NFU1: variants seen among roughly 807,000 people sequenced by gnomAD.
The protein encoded by NFU1 is NFU1 iron-sulfur cluster scaffold homolog, mitochondrial.
A neutral mutation model predicts 32.2 loss-of-function variants in NFU1; 30 were observed. That is an observed-to-expected ratio of 0.93 (90% CI 0.70 to 1.26). The LOEUF is 1.26. Ranked by LOEUF, NFU1 falls within the 50% of genes most tolerant of loss-of-function variation. The probability of loss-of-function intolerance (pLI) is 0.00; values close to 1 mark genes in which losing one functional copy is unlikely to be tolerated. For synonymous variants in NFU1, 112 were observed against 104.6 expected, an observed-to-expected ratio of 1.07 and a Z score of -0.43; for missense variants, 306 against 306.6, an observed-to-expected ratio of 1.00 and a Z score of 0.02.
chr2:69,409,798 G>T (rs1672818221), intron 5 of NFU1, among the ~76,000 whole-genome samples: 1 of 152,080 alleles, frequency 6.6e-6, no homozygotes, highest in Admixed American at 6.6e-5. Context: ...CTTCGAGAGG[G>T]CATTCATCTA....
intron 2 of NFU1, chr2:69,429,768 C>A (rs1673577964): frequency 6.3e-6 from 1 of 158,732 alleles, no homozygotes; most frequent in African/African-American, 2.4e-5. Context: ...GTGGCTCACG[C>A]CTATAATCCC....
intron 2 of NFU1, 121 bp from the exon 3 acceptor site, chr2:69,423,838 C>T: frequency 2.7e-6 from 2 of 735,990 alleles, no homozygotes; most frequent in Non-Finnish European, 4.6e-6. Flanking sequence ...AAACCCAAGG[C>T]TTTATTGCCC....
intron 4 of NFU1, among the ~76,000 whole-genome samples, chr2:69,415,960 CT>C (rs1673036552): frequency 6.7e-6 from 1 of 149,042 alleles, no homozygotes; most frequent in Admixed American, 6.8e-5. Context: ...GACTTCGTCT[CT>C]TTTTATATTT....
At chr2:69,429,174 ACT>A (rs1186896781) in intron 2 of NFU1, among the ~76,000 whole-genome samples, 2 of 152,196 alleles carry the variant, frequency 1.3e-5, no homozygotes, top group African/African-American at 2.4e-5. Context: ...TAATCTTCTA[ACT>A]CTGGCTCTGA....
At chr2:69,437,459 C>A (rs1297731748), upstream of NFU1, 2 of 1,603,370 alleles carry the variant, frequency 1.2e-6, no homozygotes, top group Admixed American at 3.4e-5. Flanking sequence ...CCTGACAGAA[C>A]CACGAAAGAT....
At chr2:69,396,943 G>A (rs1443040602) in intron 7 of NFU1, among the ~76,000 whole-genome samples, 1 of 151,788 alleles carries the variant, frequency 6.6e-6, no homozygotes, top group East Asian at 1.9e-4. Flanking sequence ...GTGGTGGTGG[G>A]CGCCTGTAGT....
At chr2:69,421,607 G>T (rs193065981) in intron 3 of NFU1, among the ~76,000 whole-genome samples, 3 of 117,254 alleles carry the variant, frequency 2.6e-5, no homozygotes, top group Non-Finnish European at 3.2e-5. Context: ...TCGCTCTGTC[G>T]CCCAGGCTGG....
chr2:69,439,402 G>A (rs573322480), upstream of NFU1, among the ~76,000 whole-genome samples: 11 of 152,268 alleles, frequency 7.2e-5, no homozygotes, highest in African/African-American at 2.6e-4. Context: ...TCTTCTGGTG[G>A]GTTCGTGGTC....
At position 69,402,399 on chromosome 2, in the gene NFU1, T is replaced by C. The variant is rs1473494197; in HGVS notation, c.546-1861A>G. Among the ~76,000 whole-genome samples the C allele has an allele frequency of 5.9e-5, 9 of 152,244 alleles. No homozygotes were observed. In the South Asian group the frequency reaches 1.9e-3, roughly 32 times the overall value. ...ATACAGTGGCATGATCACAGCTCAC[T>C]CACTGCTACCTAAAACTCCTAAGCT... On this transcript the variant is annotated intron_variant, in intron 6 of 7. Transcript: ENST00000410022.
intron 7 of NFU1, among the ~76,000 whole-genome samples, chr2:69,398,068 T>A (rs1672397902): frequency 6.6e-6 from 1 of 152,144 alleles, no homozygotes; most frequent in Non-Finnish European, 1.5e-5. Context: ...CAATACCCAA[T>A]CCAAAAAATT....
intron 4 of NFU1, among the ~76,000 whole-genome samples, chr2:69,416,389 C>A (rs971575474): frequency 1.4e-5 from 2 of 140,490 alleles, no homozygotes; most frequent in African/African-American, 2.7e-5. Context: ...ATTATTAATT[C>A]ATTCACTTTC....
chr2:69,414,639 A>C (rs1166778476), intron 5 of NFU1, among the ~76,000 whole-genome samples: 1 of 151,392 alleles, frequency 6.6e-6, no homozygotes, highest in Non-Finnish European at 1.5e-5. Context: ...AAAAAAAAAA[A>C]AAACAGAGAT....
chr2:69,423,779 T>C (rs186059263), intron 2 of NFU1, 62 bp from the exon 3 acceptor site: 42 of 1,224,492 alleles, frequency 3.4e-5, no homozygotes, highest in African/African-American at 4.5e-5. Flanking sequence ...TTATGGACTA[T>C]GAAGTGCTCA....
chr2:69,436,877 T>C, intron 1 of NFU1, among the ~76,000 whole-genome samples: 1 of 150,972 alleles, frequency 6.6e-6, no homozygotes, highest in East Asian at 1.9e-4. Context: ...CGGAATTCCA[T>C]CACTTAGAAA....
At chr2:69,396,319 G>A (rs1431704748) in intron 7 of NFU1, 29 bp from the exon 8 acceptor site, 1 of 1,539,080 alleles carries the variant, frequency 6.5e-7, no homozygotes, top group Non-Finnish European at 8.9e-7. Flanking sequence ...GACAATTTAA[G>A]AATTAAGAAA....
intron 1 of NFU1, among the ~76,000 whole-genome samples, chr2:69,435,827 A>G (rs1673812445): frequency 6.6e-6 from 1 of 151,778 alleles, no homozygotes; most frequent in African/African-American, 2.4e-5. Flanking sequence ...ATCTTGGCTC[A>G]CTGCAACCTC....
At chr2:69,404,615 ATTTTTTTT>A (rs534309730) in intron 6 of NFU1, among the ~76,000 whole-genome samples, 5 of 73,008 alleles carry the variant, frequency 6.8e-5, no homozygotes, top group African/African-American at 3.1e-4. Flanking sequence ...ATCTTAGCAA[ATTTTTTTT>A]TTTTTTTTTT....
At chr2:69,414,470 T>C (rs1574128378) in intron 5 of NFU1, among the ~76,000 whole-genome samples, 1 of 151,948 alleles carries the variant, frequency 6.6e-6, no homozygotes, top group East Asian at 1.9e-4. Context: ...ATACAAAAAT[T>C]AGCTGGGTGT....
intron 1 of NFU1, among the ~76,000 whole-genome samples, chr2:69,435,462 G>A (rs540342909): frequency 3.3e-5 from 5 of 152,258 alleles, no homozygotes; most frequent in African/African-American, 4.8e-5. Context: ...AATTCTTCTC[G>A]TGGAAAAGAA....
Sources: gnomAD v4.1 joint callset for allele counts (sites outside exome capture counted in the v4.1 genomes callset) on GRCh38, gnomAD v4.1.1 for gene constraint, MANE v1.5 for transcripts, NCBI Gene and HGNC (gene_info 2026-07-23, HGNC 2026-07-21) for gene names.